The following WASF3 variants were observed in gnomAD, a reference collection of about 807,000 sequenced individuals.
The protein encoded by WASF3 is WASP family member 3.
WASF3 carries 11 observed loss-of-function variants against 46.6 expected under a neutral mutation model. The observed-to-expected ratio is 0.24, with a 90% confidence interval of 0.15 to 0.39. WASF3 has a LOEUF of 0.39. WASF3 is among the 10% of genes least tolerant of loss of function. The pLI, the probability that WASF3 is intolerant of heterozygous loss-of-function variation, is 1.00. For synonymous variants in WASF3, 242 were observed against 259.7 expected (o/e 0.93, Z 0.65); for missense variants, 576 against 669.8 (o/e 0.86, Z 1.55).
At chr13:26,659,903 A>G (rs1157961122) in intron 3 of WASF3, among the ~76,000 whole-genome samples, 1 of 152,134 alleles carries the variant, frequency 6.6e-6, no homozygotes, top group Non-Finnish European at 1.5e-5. Context: ...GTTATGTTTC[A>G]GTTATTAGAC....
chr13:26,660,967 CAAG>C (rs1319512754), intron 3 of WASF3, among the ~76,000 whole-genome samples: 2 of 152,118 alleles, frequency 1.3e-5, no homozygotes, highest in Non-Finnish European at 2.9e-5. Context: ...AGAGAGGAAA[CAAG>C]GAGTGGGAGG....
At chr13:26,665,302 G>C (rs1882738944) in intron 4 of WASF3, 140 bp downstream of exon 4, 1 of 1,024,616 alleles carries the variant, frequency 9.8e-7, no homozygotes, top group East Asian at 2.6e-5. Context: ...TAGCGAGGGG[G>C]AAAAACCTAC....
chr13:26,548,768 C>A, the WASF3 span, among the ~76,000 whole-genome samples: 2 of 152,182 alleles, frequency 1.3e-5, no homozygotes, highest in Non-Finnish European at 2.9e-5. Flanking sequence ...ACCAGCTTCT[C>A]CCCAACTGTA....
chr13:26,584,598 T>G (rs1163876915), intron 1 of WASF3, among the ~76,000 whole-genome samples: 1 of 152,248 alleles, frequency 6.6e-6, no homozygotes, highest in Admixed American at 6.5e-5. Context: ...TTCAGTCATT[T>G]CTTTGTAATT....
chr13:26,651,623 T>A (rs1210284505), intron 3 of WASF3, among the ~76,000 whole-genome samples: 1 of 152,200 alleles, frequency 6.6e-6, no homozygotes, highest in Non-Finnish European at 1.5e-5. Flanking sequence ...TACAAAAAAT[T>A]CTTAACGCTT....
intron 1 of WASF3, chr13:26,576,812 T>A (rs890406165): frequency 2.3e-6 from 1 of 430,558 alleles, no homozygotes; most frequent in African/African-American, 2.0e-5. Context: ...TTTACCCAGC[T>A]TCCTCCAGTG....
chr13:26,612,968 T>C lies in WASF3; in HGVS notation c.-101T>C, dbSNP rs1881023432. The C allele has an allele frequency of 6.6e-6, 1 of 152,092 alleles. No individual in the cohort carries two copies. Among genetic ancestry groups the C allele is most frequent in the Non-Finnish European group, 1.5e-5 (1 of 68,012 alleles). 9.4% of individuals were successfully genotyped at this position (152,092 alleles called of 1,614,324 possible). A position where few individuals can be genotyped will look rare whatever the true frequency, so the allele number is the denominator to read the frequency against. On this transcript the variant is annotated 5_prime_UTR_variant, in exon 2 of 10. Coordinates refer to ENST00000335327, the MANE Select transcript of WASF3 (RefSeq NM_006646.6). ...TTTTTCTTTTCTTTGTAGTTTTAGT[T>C]TTGATTGCTGTTAACTACTACTGAT...
chr13:26,542,144 ATTTAC>A, the WASF3 span, among the ~76,000 whole-genome samples: 40 of 152,318 alleles, frequency 2.6e-4, no homozygotes, highest in African/African-American at 9.4e-4. Flanking sequence ...AAGGAATTAT[ATTTAC>A]TTTATTACTT....
At chr13:26,543,741 C>T in the WASF3 span, among the ~76,000 whole-genome samples, 1 of 152,152 alleles carries the variant, frequency 6.6e-6, no homozygotes, top group Non-Finnish European at 1.5e-5. Flanking sequence ...CTTTCAAAAT[C>T]CCGGAATTTC....
the WASF3 span, among the ~76,000 whole-genome samples, chr13:26,542,156 A>T: frequency 6.6e-6 from 1 of 152,268 alleles, no homozygotes; most frequent in Non-Finnish European, 1.5e-5. Flanking sequence ...TTACTTTATT[A>T]CTTCACAGAT....
chr13:26,655,678 A>G (rs1408905337), intron 3 of WASF3, among the ~76,000 whole-genome samples: 1 of 152,170 alleles, frequency 6.6e-6, no homozygotes. Context: ...GTTAGTAAGC[A>G]TTCTGCTGCA....
intron 1 of WASF3, among the ~76,000 whole-genome samples, chr13:26,599,087 C>G (rs1880565262): frequency 6.6e-6 from 1 of 152,058 alleles, no homozygotes; most frequent in African/African-American, 2.4e-5. Context: ...GTCTCGAACT[C>G]CTGACCTCGG....
intron 1 of WASF3, among the ~76,000 whole-genome samples, chr13:26,589,476 C>T (rs1211295485): frequency 6.6e-6 from 1 of 152,120 alleles, no homozygotes; most frequent in Non-Finnish European, 1.5e-5. Flanking sequence ...CTTATGTAGG[C>T]AAGTGGTAAA....
At chr13:26,642,064 T>C (rs138158041) in intron 2 of WASF3, 197 bp from the exon 3 acceptor site, 408 of 410,026 alleles carry the variant, frequency 1.0e-3, no homozygotes, top group African/African-American at 6.6e-3. Flanking sequence ...AGTGAGATTA[T>C]ACTATACATG....
In WASF3 at chr13:26,681,150, C is replaced by G; in HGVS notation, c.813C>G (p.Asp271Glu). The G allele has an allele frequency of 1.9e-6, 3 of 1,614,200 alleles. No individual in the cohort carries two copies. Among genetic ancestry groups the G allele is most frequent in the Non-Finnish European group, 2.5e-6 (3 of 1,180,028 alleles). ...TGACCCCTTCCTATGCAGCTGGTGA[C>G]GTGCCACCACACGGGCCTGCAAGCC... ...QPVTPSYAAG[D>E]VPPHGPASQA... The change falls in exon 8 of 10, where the codon GAC (aspartate) becomes GAG (glutamate). Residue 271 changes from aspartate (D) to glutamate (E), a missense_variant. Asp to Glu is a conservative substitution (Grantham distance 45, BLOSUM62 2). Coordinates refer to ENST00000335327, the MANE Select transcript of WASF3 (RefSeq NM_006646.6).
chr13:26,602,627 C>G (rs1301899769), intron 1 of WASF3, among the ~76,000 whole-genome samples: 2 of 152,040 alleles, frequency 1.3e-5, no homozygotes, highest in East Asian at 1.9e-4. Flanking sequence ...GTTATAGTGG[C>G]CACTATTATA....
chr13:26,594,976 T>C (rs1880418164), intron 1 of WASF3, among the ~76,000 whole-genome samples: 2 of 152,252 alleles, frequency 1.3e-5, no homozygotes, highest in South Asian at 4.1e-4. Context: ...AACAACTTCC[T>C]TTTCTGTATA....
At chr13:26,617,719 A>G (rs77719743) in intron 2 of WASF3, among the ~76,000 whole-genome samples, 20,858 of 152,218 alleles carry the variant, frequency 0.14, 1,594 homozygotes, top group South Asian at 0.2. Context: ...TGCATGGCAC[A>G]TTCTATAAGT....
chr13:26,595,481 C>T (rs1008417205), intron 1 of WASF3, among the ~76,000 whole-genome samples: 9 of 152,142 alleles, frequency 5.9e-5, no homozygotes, highest in Non-Finnish European at 1.0e-4. Flanking sequence ...GATACTGGTA[C>T]GTACTAACGA....
Sources: allele counts gnomAD v4.1 joint callset (sites outside exome capture counted in the v4.1 genomes callset), GRCh38; gene constraint gnomAD v4.1.1; transcripts MANE v1.5; gene names NCBI Gene and HGNC (gene_info 2026-07-23, HGNC 2026-07-21).